Variants in RAB3GAP1 observed in about 807,000 individuals in gnomAD.
The protein encoded by RAB3GAP1 is RAB3 GTPase activating protein catalytic subunit 1.
In RAB3GAP1, 86 loss-of-function variants were observed where a neutral mutation model predicts 130.7. The ratio of observed to expected loss-of-function variants is 0.66; its 90% confidence interval spans 0.55 to 0.79. The LOEUF is 0.79. Among genes scored for constraint, RAB3GAP1 ranks in the 30% least tolerant of loss-of-function variants. The pLI, the probability that RAB3GAP1 is intolerant of heterozygous loss-of-function variation, is 0.00. For missense variants in RAB3GAP1, 1,029 were observed against 1,169.4 expected (o/e 0.88, Z 1.75); for synonymous variants, 367 against 401.7 (o/e 0.91, Z 1.03).
chr2:135,065,071 A>G (rs1460557248), intron 3 of RAB3GAP1, among the ~76,000 whole-genome samples: 5 of 152,196 alleles, frequency 3.3e-5, no homozygotes, highest in Admixed American at 6.5e-5. Context: ...TTTAGCAGAT[A>G]GCCAAGGTTT....
chr2:135,135,028 A>T (rs547848659), intron 15 of RAB3GAP1, among the ~76,000 whole-genome samples: 4 of 152,204 alleles, frequency 2.6e-5, no homozygotes, highest in African/African-American at 9.6e-5. Context: ...ATTTGCTGTT[A>T]TGTTTTGAAA....
At chr2:135,160,145 T>C (rs1011773570) in intron 19 of RAB3GAP1, among the ~76,000 whole-genome samples, 2 of 152,226 alleles carry the variant, frequency 1.3e-5, no homozygotes, top group African/African-American at 4.8e-5. Flanking sequence ...GTGAATTTTA[T>C]GGTATGTGAG....
intron 17 of RAB3GAP1, among the ~76,000 whole-genome samples, chr2:135,141,469 C>A (rs532214044): frequency 6.6e-6 from 1 of 152,180 alleles, no homozygotes; most frequent in African/African-American, 2.4e-5. Context: ...CGTGATCTGC[C>A]TGTCTGGGCC....
intron 5 of RAB3GAP1, among the ~76,000 whole-genome samples, chr2:135,094,154 A>G (rs997781673): frequency 1.3e-5 from 2 of 151,350 alleles, no homozygotes; most frequent in African/African-American, 2.5e-5. Context: ...CAGCTTAATC[A>G]GTTCTGGGAA....
Position 135,058,091 on chromosome 2 carries a change from G to C in RAB3GAP1, c.150+5G>C, listed in dbSNP as rs1351272444. ...TTGGGAAAGCCACTCGAAAAGGTCA[G>C]ATCTATTTGCTGGTGTCTCTAAATG... On this transcript the variant is annotated splice_donor_5th_base_variant and intron_variant, in intron 3 of 23. Transcript: ENST00000264158. 13 of 1,603,292 alleles carry C rather than the reference G, an allele frequency of 8.1e-6. No individual in the cohort carries two copies. The highest frequency in any genetic ancestry group is 4.4e-5 in the South Asian group (4 of 90,828).
intron 11 of RAB3GAP1, among the ~76,000 whole-genome samples, chr2:135,126,979 G>A (rs1188756677): frequency 6.6e-6 from 1 of 151,356 alleles, no homozygotes. Context: ...GGGTTCAAGT[G>A]ATTCTCCTCC....
chr2:135,164,533 G>T, intron 22 of RAB3GAP1, 61 bp from the exon 23 acceptor site: 1 of 1,313,818 alleles, frequency 7.6e-7, no homozygotes, highest in South Asian at 1.2e-5. Flanking sequence ...TGGGAGGATG[G>T]ACGCCCAGTG....
At chr2:135,112,057 T>C (rs1574120413) in intron 5 of RAB3GAP1, among the ~76,000 whole-genome samples, 1 of 152,322 alleles carries the variant, frequency 6.6e-6, no homozygotes, top group South Asian at 2.1e-4. Context: ...CGGAATGTGT[T>C]AGAGCATGGC....
At chr2:135,053,838 A>T (rs1013623786) in intron 2 of RAB3GAP1, among the ~76,000 whole-genome samples, 5 of 152,168 alleles carry the variant, frequency 3.3e-5, no homozygotes, top group Admixed American at 6.6e-5. Context: ...AATAATTATT[A>T]TTTAAATAGG....
intron 5 of RAB3GAP1, among the ~76,000 whole-genome samples, chr2:135,105,478 C>G (rs940566995): frequency 1.3e-5 from 2 of 152,110 alleles, no homozygotes; most frequent in African/African-American, 4.8e-5. Flanking sequence ...GAGTGATCTG[C>G]CAGCCTCGGC....
chr2:135,148,555 C>T (rs1055181629), intron 17 of RAB3GAP1, among the ~76,000 whole-genome samples: 1 of 141,430 alleles, frequency 7.1e-6, no homozygotes, highest in Non-Finnish European at 1.5e-5. Context: ...AGTGCAGTGG[C>T]GTGATCTTGG....
chr2:135,148,332 A>G (rs938030732), intron 17 of RAB3GAP1, among the ~76,000 whole-genome samples: 1 of 152,186 alleles, frequency 6.6e-6, no homozygotes, highest in African/African-American at 2.4e-5. Context: ...TAGTTGCTTC[A>G]TAAGAATTCG....
chr2:135,106,144 GT>G (rs1288282843), intron 5 of RAB3GAP1, among the ~76,000 whole-genome samples: 4 of 151,568 alleles, frequency 2.6e-5, no homozygotes, highest in Non-Finnish European at 4.4e-5. Flanking sequence ...GAGGTGGGGG[GT>G]GCCTCCGTCC....
intron 17 of RAB3GAP1, 74 bp from the exon 18 acceptor site, chr2:135,150,295 C>T (rs947736106): frequency 6.4e-7 from 1 of 1,568,978 alleles, no homozygotes; most frequent in Non-Finnish European, 8.8e-7. Context: ...TGACTGTTGT[C>T]TTTATTCTAT....
chr2:135,167,797 C>G, intron 23 of RAB3GAP1: 1 of 1,172,158 alleles, frequency 8.5e-7, no homozygotes, highest in South Asian at 1.6e-5. Flanking sequence ...CTAACCACCT[C>G]TCTCACAGTC....
rs777304986 is a variant in RAB3GAP1, at chr2:135,162,884, G to A, written c.2490+33G>A. The A allele has an allele frequency of 3.2e-6, 5 of 1,586,828 alleles. No homozygotes were observed. In the Admixed American group the frequency reaches 5.0e-5, roughly 16 times the overall value. On this transcript the variant is annotated intron_variant, in intron 21 of 23. Coordinates refer to ENST00000264158, the MANE Select transcript of RAB3GAP1 (RefSeq NM_012233.3). ...TGATGTAGTGTCAGAATCTTGCCAA[G>A]TGTTCTCCTCAGTTGGCAAAAATAA...
intron 9 of RAB3GAP1, among the ~76,000 whole-genome samples, chr2:135,124,942 T>C (rs974069325): frequency 4.6e-5 from 7 of 152,222 alleles, no homozygotes; most frequent in Admixed American, 1.3e-4. Context: ...TCCTGATTTA[T>C]AACATTTTTC....
At chr2:135,122,576 A>G (rs1691236216) in intron 8 of RAB3GAP1, among the ~76,000 whole-genome samples, 1 of 152,216 alleles carries the variant, frequency 6.6e-6, no homozygotes, top group African/African-American at 2.4e-5. Context: ...GTAGATTGAA[A>G]GCCATATAAA....
intron 5 of RAB3GAP1, among the ~76,000 whole-genome samples, chr2:135,104,304 G>A (rs892706783): frequency 2.0e-5 from 3 of 152,060 alleles, no homozygotes; most frequent in East Asian, 3.9e-4. Context: ...ACAGAATATG[G>A]TCTTGCTACA....
Sources: gnomAD v4.1 joint callset for allele counts (sites outside exome capture counted in the v4.1 genomes callset) on GRCh38, gnomAD v4.1.1 for gene constraint, MANE v1.5 for transcripts, NCBI Gene and HGNC (gene_info 2026-07-23, HGNC 2026-07-21) for gene names.